The following PDGFD variants were observed in gnomAD, a reference collection of about 807,000 sequenced individuals.
The protein encoded by PDGFD is platelet derived growth factor D, also known as platelet-derived growth factor D.
A neutral mutation model predicts 44.7 loss-of-function variants in PDGFD; 30 were observed. The observed-to-expected ratio is 0.67, with a 90% CI of 0.50 to 0.91. The LOEUF is 0.91. PDGFD is among the 40% of genes least tolerant of loss of function. PDGFD has a pLI of 0.00. For missense variants in PDGFD, 445 were observed against 457.8 expected (o/e 0.97, Z 0.25); for synonymous variants, 173 against 168.4 (o/e 1.03, Z -0.21).
At chr11:104,110,413 C>A (rs74638185) in intron 1 of PDGFD, among the ~76,000 whole-genome samples, 1,726 of 150,754 alleles carry the variant, frequency 0.011, 36 homozygotes, top group African/African-American at 0.039. Flanking sequence ...CTCAGACCTC[C>A]GAAAAAATGC....
intron 1 of PDGFD, among the ~76,000 whole-genome samples, chr11:104,068,208 T>G (rs1309777363): frequency 6.6e-6 from 1 of 152,140 alleles, no homozygotes; most frequent in Non-Finnish European, 1.5e-5. Context: ...AATCGATGTC[T>G]CCATTACAGA....
chr11:104,017,826 G>A (rs146544184), intron 1 of PDGFD, among the ~76,000 whole-genome samples: 11 of 152,248 alleles, frequency 7.2e-5, no homozygotes, highest in South Asian at 6.2e-4. Context: ...AAGTAAGTAC[G>A]CGATGTTTAA....
intron 4 of PDGFD, chr11:103,945,620 G>A (rs1858657085): frequency 1.3e-5 from 2 of 152,180 alleles, no homozygotes; most frequent in Non-Finnish European, 2.9e-5. Flanking sequence ...AATAAAAACA[G>A]GGACACCGAT....
chr11:103,955,066 A>T (rs12282766), intron 3 of PDGFD, among the ~76,000 whole-genome samples: 5,817 of 147,272 alleles, frequency 0.039, 377 homozygotes, highest in African/African-American at 0.14. Context: ...TGGGAGGCTG[A>T]GGCAGGAGAA....
At chr11:103,929,406 G>C (rs1858367297) in intron 5 of PDGFD, among the ~76,000 whole-genome samples, 1 of 152,168 alleles carries the variant, frequency 6.6e-6, no homozygotes. Flanking sequence ...CCAAGCCAAA[G>C]TACAGCATGC....
intron 6 of PDGFD, among the ~76,000 whole-genome samples, chr11:103,918,362 T>C (rs574263439): frequency 1.3e-5 from 2 of 152,286 alleles, no homozygotes; most frequent in South Asian, 4.1e-4. Flanking sequence ...GTAAAAGAGA[T>C]TTGAGAACTA....
intron 3 of PDGFD, among the ~76,000 whole-genome samples, chr11:103,968,865 T>A (rs963463030): frequency 3.9e-5 from 6 of 152,190 alleles, no homozygotes; most frequent in African/African-American, 9.6e-5. Flanking sequence ...CTCTCCAACA[T>A]CATTTCCAGC....
At chr11:103,933,222 G>A (rs1858434138) in intron 5 of PDGFD, among the ~76,000 whole-genome samples, 1 of 152,124 alleles carries the variant, frequency 6.6e-6, no homozygotes, top group South Asian at 2.1e-4. Flanking sequence ...AGGAATAATT[G>A]TATTATTTTT....
intron 5 of PDGFD, among the ~76,000 whole-genome samples, chr11:103,941,112 C>G (rs1384147543): frequency 6.6e-6 from 1 of 152,078 alleles, no homozygotes; most frequent in African/African-American, 2.4e-5. Context: ...TTTCTTGACA[C>G]TGGCTGTCTC....
intron 1 of PDGFD, among the ~76,000 whole-genome samples, chr11:104,136,715 T>C (rs1336467655): frequency 6.6e-6 from 1 of 152,204 alleles, no homozygotes; most frequent in African/African-American, 2.4e-5. Flanking sequence ...GTAAATAACA[T>C]GGAAAGCATG....
chr11:103,937,666 T>C (rs1858513285), intron 5 of PDGFD, among the ~76,000 whole-genome samples: 2 of 151,186 alleles, frequency 1.3e-5, no homozygotes, highest in Admixed American at 6.6e-5. Flanking sequence ...ACTCGTCATT[T>C]AACATTAGGT....
Position 103,947,652 on chromosome 11 carries a change from A to T in PDGFD, c.573+10T>A. The T allele has an allele frequency of 6.2e-7, 1 of 1,609,668 alleles. No individual in the cohort carries two copies. The highest frequency in any genetic ancestry group is 8.5e-7 in the Non-Finnish European group (1 of 1,176,126). On this transcript the variant is annotated intron_variant, in intron 4 of 6. Transcript: ENST00000393158. Reference sequence around the variant, plus strand: ...TTCTTTTGCTGGCAACAGAGTAATAAATTACTTACTGAAATAGAGCTTGTG... The same window carrying T: ...TTCTTTTGCTGGCAACAGAGTAATATATTACTTACTGAAATAGAGCTTGTG...
At chr11:104,060,822 C>T (rs361255) in intron 1 of PDGFD, among the ~76,000 whole-genome samples, 68,407 of 151,994 alleles carry the variant, frequency 0.45, 16,576 homozygotes, top group African/African-American at 0.63. Context: ...GTATAGTTCA[C>T]TATTATTTTT....
At chr11:103,943,084 A>G (rs1235244307) in intron 5 of PDGFD, among the ~76,000 whole-genome samples, 2 of 152,170 alleles carry the variant, frequency 1.3e-5, no homozygotes, top group Non-Finnish European at 2.9e-5. Context: ...GTGCTGTGAA[A>G]CATGACAATG....
At chr11:104,158,101 T>C (rs1273202017) in intron 1 of PDGFD, among the ~76,000 whole-genome samples, 1 of 152,218 alleles carries the variant, frequency 6.6e-6, no homozygotes, top group Non-Finnish European at 1.5e-5. Context: ...CTATATTAGG[T>C]GCTCTTTGTG....
intron 1 of PDGFD, among the ~76,000 whole-genome samples, chr11:104,059,193 A>G (rs142929542): frequency 6.6e-6 from 1 of 152,320 alleles, no homozygotes; most frequent in East Asian, 1.9e-4. Flanking sequence ...GAGTATTTGG[A>G]GCTAGGGAGT....
At chr11:103,995,478 A>C (rs1411979281) in intron 3 of PDGFD, among the ~76,000 whole-genome samples, 1 of 152,186 alleles carries the variant, frequency 6.6e-6, no homozygotes, top group Non-Finnish European at 1.5e-5. Flanking sequence ...GAGGTGTTTA[A>C]GTAGAGAAAA....
intron 5 of PDGFD, among the ~76,000 whole-genome samples, chr11:103,937,941 T>C (rs976058297): frequency 1.9e-4 from 29 of 151,668 alleles, no homozygotes; most frequent in Non-Finnish European, 3.5e-4. Flanking sequence ...ATTTTCTTAA[T>C]CCAGTCTATC....
chr11:103,907,416 G>A lies in PDGFD; in HGVS notation c.*2278C>T, dbSNP rs79190136. 7.8e-4 allele frequency: 119 copies of A among 152,318 alleles called. No individual in the cohort carries two copies. The highest frequency in any genetic ancestry group is 2.7e-3 in the African/African-American group (112 of 41,566). The allele number at this position is 152,318 out of a possible 1,614,324, so 9.4% of individuals were successfully genotyped here. On this transcript the variant is annotated 3_prime_UTR_variant, in exon 7 of 7. Coordinates refer to ENST00000393158, the MANE Select transcript of PDGFD (RefSeq NM_025208.5). ...GATTTATTAGGGTTTGTTTTGAAATGTAATTTGTACGGCCAGCTTTTTATT... is the reference window on the plus strand; with the variant it reads ...GATTTATTAGGGTTTGTTTTGAAATATAATTTGTACGGCCAGCTTTTTATT...
Sources: allele counts gnomAD v4.1 joint callset (sites outside exome capture counted in the v4.1 genomes callset), GRCh38; gene constraint gnomAD v4.1.1; transcripts MANE v1.5; gene names NCBI Gene and HGNC (gene_info 2026-07-23, HGNC 2026-07-21).